Variants in R3HCC1L observed in about 807,000 individuals in gnomAD.
The protein encoded by R3HCC1L is R3H domain and coiled-coil containing 1 like.
Under a neutral mutation model 59.9 loss-of-function variants are expected in R3HCC1L, and 51 were observed. The ratio of observed to expected loss-of-function variants is 0.85; its 90% CI spans 0.68 to 1.07. The LOEUF (loss-of-function observed/expected upper bound fraction) is 1.07. Ranked by LOEUF, R3HCC1L falls within the 50% of genes least tolerant of loss-of-function variation. R3HCC1L has a pLI of 0.00. For synonymous variants in R3HCC1L, 322 were observed against 315.2 expected, an observed-to-expected ratio of 1.02 and a Z score of -0.23; for missense variants, 965 against 933.0, an observed-to-expected ratio of 1.03 and a Z score of -0.45.
intron 1 of R3HCC1L, among the ~76,000 whole-genome samples, chr10:98,151,516 TTGTC>T (rs769877062): frequency 2.0e-5 from 3 of 152,244 alleles, no homozygotes; most frequent in Non-Finnish European, 2.9e-5. Context: ...TACCACCACT[TTGTC>T]TGTTTATCTA....
chr10:98,229,480 G>A (rs1196179712), intron 5 of R3HCC1L, among the ~76,000 whole-genome samples: 3 of 152,158 alleles, frequency 2.0e-5, no homozygotes, highest in Non-Finnish European at 4.4e-5. Flanking sequence ...GAGATTTTGG[G>A]CTGAGACAGT....
intron 5 of R3HCC1L, among the ~76,000 whole-genome samples, chr10:98,224,812 T>C (rs1309852262): frequency 6.6e-6 from 1 of 152,220 alleles, no homozygotes; most frequent in Non-Finnish European, 1.5e-5. Context: ...ATAAAAAATA[T>C]TGTGAAGGTT....
At chr10:98,165,909 T>C (rs4317916) in intron 4 of R3HCC1L, among the ~76,000 whole-genome samples, 103,390 of 152,110 alleles carry the variant, frequency 0.68, 35,318 homozygotes, top group African/African-American at 0.76. Context: ...CGATGGCTCA[T>C]GCCTGTAATC....
intron 4 of R3HCC1L, among the ~76,000 whole-genome samples, chr10:98,184,136 A>G (rs1181744619): frequency 6.6e-6 from 1 of 151,952 alleles, no homozygotes; most frequent in Non-Finnish European, 1.5e-5. Context: ...CCACAGGCTT[A>G]AAGTTTCTCT....
At chr10:98,134,859 T>C (rs1033382312) in intron 1 of R3HCC1L, among the ~76,000 whole-genome samples, 153 bp downstream of exon 1, 1 of 152,176 alleles carries the variant, frequency 6.6e-6, no homozygotes, top group Admixed American at 6.5e-5. Context: ...GCCCCCTGCC[T>C]GGGGCGGAGG....
chr10:98,236,410 C>G (rs1365757155), intron 9 of R3HCC1L, among the ~76,000 whole-genome samples: 1 of 152,180 alleles, frequency 6.6e-6, no homozygotes, highest in Non-Finnish European at 1.5e-5. Context: ...TAGGTTTGGT[C>G]TTCTCAGCTC....
chr10:98,157,017 T>C lies in R3HCC1L; in HGVS notation c.-213+870T>C, dbSNP rs146588170. 1.1e-3 allele frequency among the ~76,000 whole-genome samples: 170 copies of C among 152,356 alleles called. 1 individual carries two copies. Among genetic ancestry groups the C allele is most frequent in the African/African-American group, 4.0e-3 (167 of 41,578 alleles). On this transcript the variant is annotated intron_variant, in intron 2 of 9. Coordinates refer to ENST00000298999, the MANE Select transcript of R3HCC1L (RefSeq NM_001351015.2). ...TTTCTATTTTCACATTTGATTAATA[T>C]AGTTTGGGTAAGTGTAAATTCTAGA...
At chr10:98,154,650 G>A (rs1247464946) in intron 1 of R3HCC1L, among the ~76,000 whole-genome samples, 2 of 152,118 alleles carry the variant, frequency 1.3e-5, no homozygotes, top group African/African-American at 4.8e-5. Flanking sequence ...ACTTTATTTT[G>A]AATGGTCAGT....
Position 98,208,188 on chromosome 10 carries a change from G to T in R3HCC1L, c.74G>T (p.Arg25Leu). The T allele has an allele frequency of 1.9e-6, 3 of 1,613,884 alleles. No homozygotes were observed. The highest frequency in any genetic ancestry group is 2.5e-6 in the Non-Finnish European group (3 of 1,179,918). ...ATGGCACTTTATGTACCTAAAGCTC[G>T]TAGGGGTGCAGTACTCCTTAAGACA... ...PDMALYVPKARRGAVLLKTGD... is the reference protein window; with the variant it reads ...PDMALYVPKALRGAVLLKTGD... The change falls in exon 5 of 10, where the codon CGT becomes CTT. Residue 25 changes from arginine to leucine, a missense_variant. By Grantham distance (102) the Arg-to-Leu change is moderately radical. Coordinates refer to ENST00000298999, the MANE Select transcript of R3HCC1L (RefSeq NM_001351015.2).
At chr10:98,186,514 G>A in intron 4 of R3HCC1L, 1 of 983,652 alleles carries the variant, frequency 1.0e-6, no homozygotes, top group Non-Finnish European at 1.2e-6. Context: ...TAAACCTTTA[G>A]AACTTACATT....
chr10:98,222,548 C>T (rs1050392691), intron 5 of R3HCC1L, among the ~76,000 whole-genome samples: 5 of 151,956 alleles, frequency 3.3e-5, no homozygotes, highest in African/African-American at 7.3e-5. Context: ...TTTTGAAATA[C>T]GTCCCATCAA....
chr10:98,186,154 C>T (rs896616195), intron 4 of R3HCC1L, among the ~76,000 whole-genome samples: 1 of 152,068 alleles, frequency 6.6e-6, no homozygotes, highest in Non-Finnish European at 1.5e-5. Flanking sequence ...TCATAATTAT[C>T]GTTTATGTAT....
At chr10:98,234,370 A>G (rs1032950786) in intron 6 of R3HCC1L, 76 bp from the exon 7 acceptor site, 1 of 1,298,116 alleles carries the variant, frequency 7.7e-7, no homozygotes, top group Non-Finnish European at 1.1e-6. Context: ...GAAATGCTTT[A>G]TGAGATTCTA....
At chr10:98,222,583 G>T (rs1235229947) in intron 5 of R3HCC1L, among the ~76,000 whole-genome samples, 1 of 152,116 alleles carries the variant, frequency 6.6e-6, no homozygotes, top group African/African-American at 2.4e-5. Flanking sequence ...GGAGTTTTTA[G>T]CATGAAGGGT....
At chr10:98,239,760 C>T (rs555841780) in intron 9 of R3HCC1L, among the ~76,000 whole-genome samples, 39 of 152,242 alleles carry the variant, frequency 2.6e-4, no homozygotes, top group African/African-American at 8.9e-4. Flanking sequence ...TGCAGTGGCA[C>T]GATCACAGCT....
chr10:98,212,895 C>G (rs1370352138), intron 5 of R3HCC1L, among the ~76,000 whole-genome samples: 1 of 152,064 alleles, frequency 6.6e-6, no homozygotes, highest in Non-Finnish European at 1.5e-5. Context: ...GAATTTGAGG[C>G]CTTCCCTTGG....
intron 4 of R3HCC1L, among the ~76,000 whole-genome samples, chr10:98,180,063 T>G (rs1212647115): frequency 1.3e-5 from 2 of 152,172 alleles, no homozygotes; most frequent in Non-Finnish European, 2.9e-5. Flanking sequence ...TCCTTCAGTT[T>G]TGCTCTGATC....
rs201028703 is a variant in R3HCC1L at position 98,231,509 on chromosome 10, T to C, written c.1786-3T>C. 1.2e-6 allele frequency: 2 copies of C among 1,609,038 alleles called. No individual in the cohort carries two copies. Among genetic ancestry groups the C allele is most frequent in the African/African-American group, 1.3e-5 (1 of 74,604 alleles). The stretch of plus-strand genomic sequence containing the variant: ...GGCACTTAACGTGCTTCTTCCTTTC[T>C]AGTTATCAGGGAATACCAAGAGCAG... On this transcript the variant is annotated splice_region_variant and splice_polypyrimidine_tract_variant and intron_variant, in intron 5 of 9. Transcript: ENST00000298999.
intron 4 of R3HCC1L, among the ~76,000 whole-genome samples, chr10:98,206,193 G>T (rs1297507934): frequency 6.6e-6 from 1 of 151,918 alleles, no homozygotes; most frequent in African/African-American, 2.4e-5. Context: ...TGTAATCTAA[G>T]AGTGTGTTAC....
Sources: allele counts gnomAD v4.1 joint callset (sites outside exome capture counted in the v4.1 genomes callset), GRCh38; gene constraint gnomAD v4.1.1; transcripts MANE v1.5; gene names NCBI Gene and HGNC (gene_info 2026-07-23, HGNC 2026-07-21).